ARMH4: variants seen among roughly 807,000 people sequenced by gnomAD.
ARMH4 encodes the protein armadillo-like helical domain-containing protein 4.
A neutral mutation model predicts 61.9 loss-of-function variants in ARMH4; 49 were observed. That is an observed-to-expected ratio of 0.79 (90% confidence interval 0.63 to 1.00). The LOEUF (loss-of-function observed/expected upper bound fraction) is 1.00. ARMH4 is among the 50% of genes least tolerant of loss of function. ARMH4 has a pLI of 0.00. For missense variants in ARMH4, 934 were observed against 930.0 expected, an observed-to-expected ratio of 1.00 and a Z score of -0.06; for synonymous variants, 368 against 341.5, an observed-to-expected ratio of 1.08 and a Z score of -0.85.
At chr14:58,039,619 C>G (rs1883615035) in intron 5 of ARMH4, among the ~76,000 whole-genome samples, 1 of 152,164 alleles carries the variant, frequency 6.6e-6, no homozygotes, top group Non-Finnish European at 1.5e-5. Flanking sequence ...AGCAGTGGCT[C>G]ATTAAGGAGC....
chr14:58,086,031 T>C (rs1013766414), intron 5 of ARMH4, among the ~76,000 whole-genome samples: 73 of 152,214 alleles, frequency 4.8e-4, no homozygotes, highest in African/African-American at 1.7e-3. Context: ...GGTTTATAAA[T>C]GTCTCACTTC....
chr14:58,067,767 TA>T (rs2141223171), intron 5 of ARMH4, among the ~76,000 whole-genome samples: 1 of 152,338 alleles, frequency 6.6e-6, no homozygotes, highest in Non-Finnish European at 1.5e-5. Flanking sequence ...GGATGAATAC[TA>T]ACACCTGCCT....
chr14:58,063,601 A>G (rs2347678), intron 5 of ARMH4, among the ~76,000 whole-genome samples: 1 of 24,824 alleles, frequency 4.0e-5, no homozygotes, highest in Non-Finnish European at 6.4e-5. Flanking sequence ...GCAAGGCACT[A>G]CAGAAACTAC....
At chr14:58,132,982 C>A in intron 3 of ARMH4, 108 bp downstream of exon 3, 1 of 1,172,266 alleles carries the variant, frequency 8.5e-7, no homozygotes, top group Non-Finnish European at 1.2e-6. Flanking sequence ...TACGTGCACG[C>A]ACGCGCGCGC....
rs1343211177 is a variant in ARMH4 at position 58,004,791 on chromosome 14, T to C, written c.2270A>G (p.Asn757Ser). 2 of 1,611,222 alleles carry C rather than the reference T, an allele frequency of 1.2e-6. No individual in the cohort carries two copies. Among genetic ancestry groups the C allele is most frequent in the East Asian group, 2.2e-5 (1 of 44,774 alleles). The stretch of plus-strand genomic sequence containing the variant: ...GAGCATTACTCGATCTTGCATGCTG[T>C]TGAATTCTCTCTGCTAGAGAAAGAA... ...KRHKRKQREF[N>S]SMQDRVMLLA... The change falls in exon 8 of 8, where the codon AAC (asparagine) becomes AGC (serine). Residue 757 changes from asparagine (N) to serine (S), a missense_variant. Asn to Ser is a conservative substitution (Grantham distance 46). Coordinates refer to ENST00000267485, the MANE Select transcript of ARMH4 (RefSeq NM_001001872.4).
chr14:58,023,722 T>C (rs910981850), intron 5 of ARMH4, among the ~76,000 whole-genome samples: 4 of 152,206 alleles, frequency 2.6e-5, no homozygotes, highest in Non-Finnish European at 4.4e-5. Flanking sequence ...TATAGCCTTA[T>C]GAAATGTATT....
At chr14:58,107,900 C>T (rs1050111097) in intron 4 of ARMH4, among the ~76,000 whole-genome samples, 1 of 152,132 alleles carries the variant, frequency 6.6e-6, no homozygotes, top group Admixed American at 6.6e-5. Context: ...GGGAATGGCT[C>T]TGACACATCC....
chr14:58,067,192 A>G (rs1884732028), intron 5 of ARMH4, among the ~76,000 whole-genome samples: 1 of 152,208 alleles, frequency 6.6e-6, no homozygotes, highest in Non-Finnish European at 1.5e-5. Flanking sequence ...GCATTATACT[A>G]TGAGAGGTGG....
At chr14:58,032,409 C>T (rs368061948) in intron 5 of ARMH4, among the ~76,000 whole-genome samples, 1 of 152,210 alleles carries the variant, frequency 6.6e-6, no homozygotes, top group African/African-American at 2.4e-5. Context: ...GCTTCCTAAT[C>T]ATTTTTGTGC....
intron 5 of ARMH4, among the ~76,000 whole-genome samples, chr14:58,061,847 G>C (rs1884541064): frequency 6.6e-6 from 1 of 152,144 alleles, no homozygotes. Flanking sequence ...ACTTGGAGGT[G>C]GGGGTGGCCA....
At chr14:58,050,504 G>GA (rs1444335511) in intron 5 of ARMH4, among the ~76,000 whole-genome samples, 1 of 152,174 alleles carries the variant, frequency 6.6e-6, no homozygotes, top group Non-Finnish European at 1.5e-5. Flanking sequence ...GATCAAGGGG[G>GA]AACACAAGGA....
chr14:58,072,489 T>G (rs1347671168), intron 5 of ARMH4, among the ~76,000 whole-genome samples: 4 of 151,686 alleles, frequency 2.6e-5, no homozygotes, highest in African/African-American at 9.7e-5. Context: ...GAGGCGGAGG[T>G]GGGTGGATCA....
intron 5 of ARMH4, among the ~76,000 whole-genome samples, chr14:58,055,769 G>A (rs1247911270): frequency 6.6e-6 from 1 of 152,140 alleles, no homozygotes; most frequent in Non-Finnish European, 1.5e-5. Flanking sequence ...GTACTTATTT[G>A]GTACTTAGTC....
At chr14:58,018,696 T>C (rs555826803) in intron 5 of ARMH4, among the ~76,000 whole-genome samples, 25 of 152,220 alleles carry the variant, frequency 1.6e-4, no homozygotes, top group Non-Finnish European at 3.4e-4. Flanking sequence ...GGTACAGCCA[T>C]TATAGAAAAC....
intron 5 of ARMH4, among the ~76,000 whole-genome samples, chr14:58,065,591 T>C (rs946388210): frequency 1.3e-5 from 2 of 152,242 alleles, no homozygotes; most frequent in South Asian, 2.1e-4. Context: ...ACCAGCTCCA[T>C]GAAGAGATGA....
chr14:58,040,390 C>G (rs959582215), intron 5 of ARMH4, among the ~76,000 whole-genome samples: 1 of 152,134 alleles, frequency 6.6e-6, no homozygotes, highest in Non-Finnish European at 1.5e-5. Context: ...ATTTAGCTCC[C>G]ACTTATAAGT....
chr14:58,020,888 G>A (rs1288326149), intron 5 of ARMH4, among the ~76,000 whole-genome samples: 1 of 152,142 alleles, frequency 6.6e-6, no homozygotes, highest in East Asian at 1.9e-4. Flanking sequence ...CTGTAAACTG[G>A]AGATCTAGGA....
intron 5 of ARMH4, among the ~76,000 whole-genome samples, chr14:58,016,407 C>T (rs751112850): frequency 6.6e-6 from 1 of 151,998 alleles, no homozygotes; most frequent in Non-Finnish European, 1.5e-5. Context: ...AAAAATATTA[C>T]GTGTAAAATT....
At chr14:58,063,196 A>C (rs1884587855) in intron 5 of ARMH4, among the ~76,000 whole-genome samples, 1 of 152,068 alleles carries the variant, frequency 6.6e-6, no homozygotes, top group East Asian at 1.9e-4. Flanking sequence ...TCACTCTGTC[A>C]ATGTGTCTCC....
Sources: allele counts gnomAD v4.1 joint callset (sites outside exome capture counted in the v4.1 genomes callset), GRCh38; gene constraint gnomAD v4.1.1; transcripts MANE v1.5; gene names NCBI Gene and HGNC (gene_info 2026-07-23, HGNC 2026-07-21).